Variants in MOGAT3 observed in about 807,000 individuals in gnomAD.
MOGAT3 encodes 2-acylglycerol O-acyltransferase 3.
MOGAT3 carries 39 observed loss-of-function variants against 34.4 expected under a neutral mutation model. The observed-to-expected ratio is 1.13, with a 90% CI of 0.88 to 1.48. The LOEUF (loss-of-function observed/expected upper bound fraction) is 1.48, where lower values mean the gene tolerates loss of function less well. MOGAT3 is among the 40% of genes most tolerant of loss of function. The pLI, the probability that MOGAT3 is intolerant of heterozygous loss-of-function variation, is 0.00. For synonymous variants in MOGAT3, 209 were observed against 179.2 expected, an observed-to-expected ratio of 1.17 and a Z score of -1.33; for missense variants, 439 against 438.9, an observed-to-expected ratio of 1.00 and a Z score of 0.00.
In MOGAT3 at chr7:101,196,066, G is replaced by T; in HGVS notation, c.906C>A (p.His302Gln). 1 of 1,613,356 alleles carries T rather than the reference G, an allele frequency of 6.2e-7. No individual in the cohort carries two copies. Residue 302 changes from histidine to glutamine, a missense_variant, in exon 7 of 7, where the codon CAC becomes CAA. By Grantham distance (24) the His-to-Gln change is conservative (BLOSUM62 0). Transcript: ENST00000223114. ...GRPIPVPQRL[H>Q]PTEEEVNHYH... is the part of the protein sequence containing the mutation. Reference sequence around the variant, plus strand: ...AGTGATTGACTTCCTCCTCGGTGGGGTGGAGGCGCTGGGGGACGGGGATGG... The same window carrying T: ...AGTGATTGACTTCCTCCTCGGTGGGTTGGAGGCGCTGGGGGACGGGGATGG...
intron 4 of MOGAT3, 114 bp from the exon 5 acceptor site, chr7:101,198,479 C>T (rs1797860720): frequency 3.0e-6 from 4 of 1,347,268 alleles, no homozygotes; most frequent in Non-Finnish European, 4.0e-6. Context: ...GGGGAACCTA[C>T]CCAAATGCTC....
rs774836181 is a variant in MOGAT3, at chr7:101,196,197, G to A, written c.861C>T (p.Ile287=). 2 of 1,576,408 alleles carry A rather than the reference G, an allele frequency of 1.3e-6. No homozygotes were observed. The highest frequency in any genetic ancestry group is 3.8e-5 in the Admixed American group (2 of 52,900). ...SWGLLPFAVP[I]TTVVGRPIPV... is the part of the protein sequence containing the mutation. Reference sequence around the variant, plus strand: ...GAGGTGGGCACTCACCCACAGTGGTGATGGGCACAGCAAAGGGCAGCAGGC... The same window carrying A: ...GAGGTGGGCACTCACCCACAGTGGTAATGGGCACAGCAAAGGGCAGCAGGC... Residue 287 remains isoleucine, a synonymous_variant, in exon 6 of 7, where the codon ATC becomes ATT. Coordinates refer to ENST00000223114, the MANE Select transcript of MOGAT3 (RefSeq NM_178176.4).
downstream of MOGAT3, among the ~76,000 whole-genome samples, chr7:101,194,068 A>T (rs1797730109): frequency 6.6e-6 from 1 of 152,108 alleles, no homozygotes; most frequent in Non-Finnish European, 1.5e-5. Context: ...ATCTCGGCTC[A>T]CTGCACCCTT....
At chr7:101,194,968 C>T (rs751773064), downstream of MOGAT3, 4 of 152,426 alleles carry the variant, frequency 2.6e-5, no homozygotes, top group Admixed American at 6.6e-5. Flanking sequence ...CCTCTCCACG[C>T]ATCCTCCCTC....
chr7:101,198,851 T>G lies in MOGAT3; in HGVS notation c.289-21A>C, dbSNP rs201565623. 5 of 1,611,192 alleles carry G rather than the reference T, an allele frequency of 3.1e-6. No individual in the cohort carries two copies. The highest frequency in any genetic ancestry group is 3.4e-6 in the Non-Finnish European group (4 of 1,178,018). On this transcript the variant is annotated intron_variant, in intron 3 of 6. Transcript: ENST00000223114. Reference sequence around the variant, plus strand: ...ACCAGCTTCGGGGTGTTGAGCAGGATGAAGGGAGGATGGAAGGCAAGACAC... The same window carrying G: ...ACCAGCTTCGGGGTGTTGAGCAGGAGGAAGGGAGGATGGAAGGCAAGACAC...
At chr7:101,198,937 G>A in intron 3 of MOGAT3, 107 bp from the exon 4 acceptor site, 2 of 944,524 alleles carry the variant, frequency 2.1e-6, no homozygotes, top group Non-Finnish European at 3.3e-6. Flanking sequence ...CTTAGGATAG[G>A]GTCAAGGGCC....
rs1385969611 is a variant in MOGAT3, at chr7:101,198,183, G to T, written c.668+8C>A. The stretch of plus-strand genomic sequence containing the variant: ...GAACTGACAGGTAGGGCCTGCACGC[G>T]CACTCACCCGTGCCTCAGCGCCAGG... On this transcript the variant is annotated splice_region_variant and intron_variant, in intron 5 of 6. Coordinates refer to ENST00000223114, the MANE Select transcript of MOGAT3 (RefSeq NM_178176.4). 1.2e-6 allele frequency: 2 copies of T among 1,607,358 alleles called. No homozygotes were observed. The highest frequency in any genetic ancestry group is 3.4e-5 in the Admixed American group (2 of 59,154).
At chr7:101,194,024 C>T (rs1010885596), downstream of MOGAT3, among the ~76,000 whole-genome samples, 2 of 151,454 alleles carry the variant, frequency 1.3e-5, no homozygotes, top group Admixed American at 6.6e-5. Flanking sequence ...AGACGGGTCT[C>T]GCTTCGTTAC....
rs752714401 is a variant in MOGAT3 at position 101,198,800 on chromosome 7, G to A, written c.319C>T (p.Arg107Trp). The A allele has an allele frequency of 2.5e-6, 4 of 1,613,932 alleles. No homozygotes were observed. The highest frequency in any genetic ancestry group is 3.4e-6 in the Non-Finnish European group (4 of 1,180,028). ...GGGTGGGCGCCCAGCACGTAGTTCC[G>A]ATCCGGGGGCAGCTCTGCTGTTTTC... Reference protein sequence around the residue: ...LVKTAELPPDRNYVLGAHPHG... With the variant: ...LVKTAELPPDWNYVLGAHPHG... The change falls in exon 4 of 7, where the codon CGG (arginine) becomes TGG (tryptophan). Residue 107 changes from arginine (R) to tryptophan (W), a missense_variant. By Grantham distance (101) the Arg-to-Trp change is moderately radical (BLOSUM62 -3). Coordinates refer to ENST00000223114, the MANE Select transcript of MOGAT3 (RefSeq NM_178176.4).
downstream of MOGAT3, among the ~76,000 whole-genome samples, chr7:101,193,744 A>G (rs927415768): frequency 2.0e-5 from 3 of 152,036 alleles, no homozygotes; most frequent in Admixed American, 6.6e-5. Flanking sequence ...AAACATTTCT[A>G]TGCTCCAACT....
At chr7:101,196,499 G>T in intron 5 of MOGAT3, 110 bp from the exon 6 acceptor site, 1 of 684,838 alleles carries the variant, frequency 1.5e-6, no homozygotes, top group Non-Finnish European at 2.5e-6. Flanking sequence ...TACCTCCCAG[G>T]GTCATTCAAA....
downstream of MOGAT3, among the ~76,000 whole-genome samples, chr7:101,193,350 G>T (rs1797717969): frequency 6.6e-6 from 1 of 152,216 alleles, no homozygotes; most frequent in East Asian, 1.9e-4. Flanking sequence ...GGAAGGACAA[G>T]TGGCCACGTC....
In MOGAT3 at chr7:101,195,540, T is replaced by C. The variant is rs1797755006; in HGVS notation, c.*406A>G. ...TACTACAGCTTTAACAGTCTTTTTT[T>C]TTTTTTTTTTTTTTTTTTTGAGATT... On this transcript the variant is annotated 3_prime_UTR_variant, in exon 7 of 7. Transcript: ENST00000223114. The C allele has an allele frequency of 9.8e-6, 1 of 101,654 alleles. No homozygotes were observed. Among genetic ancestry groups the C allele is most frequent in the Non-Finnish European group, 2.2e-5 (1 of 45,450 alleles). 6.3% of individuals were successfully genotyped at this position (101,654 alleles called of 1,614,324 possible).
intron 6 of MOGAT3, 34 bp downstream of exon 6, chr7:101,196,153 G>C: frequency 6.4e-7 from 1 of 1,572,934 alleles, no homozygotes. Context: ...CCACGCAGCT[G>C]CTGGTGGCCG....
intron 1 of MOGAT3, 86 bp downstream of exon 1, chr7:101,200,660 G>T: frequency 1.5e-6 from 2 of 1,339,470 alleles, no homozygotes; most frequent in South Asian, 1.3e-5. Context: ...CTGTCCTCAG[G>T]CATGCAAGCC....
At chr7:101,193,145 G>GGA, downstream of MOGAT3, among the ~76,000 whole-genome samples, 1 of 152,280 alleles carries the variant, frequency 6.6e-6, no homozygotes, top group East Asian at 1.9e-4. Flanking sequence ...TGCCCAGGCT[G>GGA]GTGCTGTGGT....
downstream of MOGAT3, among the ~76,000 whole-genome samples, chr7:101,194,731 G>A (rs1797739939): frequency 6.6e-6 from 1 of 151,756 alleles, no homozygotes; most frequent in African/African-American, 2.4e-5. Flanking sequence ...TCGATCTCCT[G>A]ACCTCGTGAT....
chr7:101,198,056 CG>C, intron 5 of MOGAT3, 134 bp downstream of exon 5: 1 of 916,178 alleles, frequency 1.1e-6, no homozygotes, highest in South Asian at 2.1e-5. Context: ...GGAGAGCCCA[CG>C]TGGGCCTCGG....
In MOGAT3 at chr7:101,198,735, G is replaced by A; in HGVS notation, c.384C>T (p.Ser128=). The A allele has an allele frequency of 6.2e-7, 1 of 1,613,936 alleles. No homozygotes were observed. The highest frequency in any genetic ancestry group is 8.5e-7 in the Non-Finnish European group (1 of 1,180,012). The change falls in exon 4 of 7, where the codon TCC becomes TCT. Residue 128 remains serine, a synonymous_variant. Transcript: ENST00000223114. ...GCTGGGAGAAGCCATTGCTCTCGGTGGAGAAATTACAGAGGAAGCCTGTAC... is the reference window on the plus strand; with the variant it reads ...GCTGGGAGAAGCCATTGCTCTCGGTAGAGAAATTACAGAGGAAGCCTGTAC... The part of the protein sequence containing the change: ...IMCTGFLCNF[S]TESNGFSQLF...
Sources: gnomAD v4.1 joint callset for allele counts (sites outside exome capture counted in the v4.1 genomes callset) on GRCh38, gnomAD v4.1.1 for gene constraint, MANE v1.5 for transcripts, NCBI Gene and HGNC (gene_info 2026-07-23, HGNC 2026-07-21) for gene names.